Variants in PKHD1 observed in about 807,000 individuals in gnomAD.
The protein encoded by PKHD1 is fibrocystin.
A neutral mutation model predicts 412.0 loss-of-function variants in PKHD1; 291 were observed. The observed-to-expected ratio is 0.71, with a 90% CI of 0.64 to 0.78. The LOEUF is 0.78. PKHD1 is among the 30% of genes least tolerant of loss of function. The probability of loss-of-function intolerance (pLI) is 0.00; values close to 1 mark genes in which losing one functional copy is unlikely to be tolerated. For missense variants in PKHD1, 4,825 were observed against 4,950.7 expected, an observed-to-expected ratio of 0.97 and a Z score of 0.76; for synonymous variants, 1,777 against 1,821.5, an observed-to-expected ratio of 0.98 and a Z score of 0.62.
chr6:51,890,855 TG>T (rs1339985625), intron 43 of PKHD1, among the ~76,000 whole-genome samples: 1 of 152,152 alleles, frequency 6.6e-6, no homozygotes, highest in Non-Finnish European at 1.5e-5. Context: ...GGAGATCAAG[TG>T]TTATTAAGGC....
intron 52 of PKHD1, among the ~76,000 whole-genome samples, chr6:51,823,471 G>C (rs1245529936): frequency 2.6e-5 from 4 of 152,094 alleles, no homozygotes; most frequent in African/African-American, 9.7e-5. Flanking sequence ...TCCTCTATTA[G>C]AGTAAAACTC....
rs1224367130 is a variant in PKHD1, at chr6:52,073,511, A to T, written c.479T>A (p.Ile160Asn). The change falls in exon 7 of 67, where the codon ATC becomes AAC. Residue 160 changes from isoleucine (I) to asparagine (N), a missense_variant. By Grantham distance (149) the Ile-to-Asn change is moderately radical. Transcript: ENST00000371117. ...ATCAAAAGTTTCCAATCTTCCAGTG[A>T]TAATCCAGCCATATACATGTATTAG... ...GKLIHVYGWI[I>N]TGRLETFDFD... The T allele has an allele frequency of 1.2e-6, 2 of 1,606,846 alleles. No individual in the cohort carries two copies. Among genetic ancestry groups the T allele is most frequent in the African/African-American group, 2.7e-5 (2 of 74,788 alleles).
intron 36 of PKHD1, among the ~76,000 whole-genome samples, chr6:51,936,326 G>A (rs563095753): frequency 6.6e-6 from 1 of 152,200 alleles, no homozygotes; most frequent in African/African-American, 2.4e-5. Flanking sequence ...AGCAAAGGGG[G>A]GCAAAGGATA....
At chr6:51,891,124 C>T (rs1440090691) in intron 43 of PKHD1, among the ~76,000 whole-genome samples, 1 of 152,190 alleles carries the variant, frequency 6.6e-6, no homozygotes, top group African/African-American at 2.4e-5. Flanking sequence ...ACTCCATACC[C>T]TTTTACTTGT....
intron 37 of PKHD1, 75 bp from the exon 38 acceptor site, chr6:51,912,651 A>C: frequency 9.7e-7 from 1 of 1,032,826 alleles, no homozygotes; most frequent in Non-Finnish European, 1.5e-6. Flanking sequence ...ATCATTAATA[A>C]ATGTGATGTT....
chr6:52,064,807 C>T (rs764913868), intron 13 of PKHD1, 148 bp downstream of exon 13: 7 of 482,972 alleles, frequency 1.4e-5, no homozygotes, highest in Non-Finnish European at 2.6e-5. Context: ...GAAAGGAGAG[C>T]CTTGACAATG....
chr6:51,727,029 A>G (rs769533189), intron 60 of PKHD1, among the ~76,000 whole-genome samples: 3 of 152,194 alleles, frequency 2.0e-5, no homozygotes, highest in Non-Finnish European at 4.4e-5. Flanking sequence ...TGAGAGGCAC[A>G]CAATTAGCTA....
In PKHD1 at chr6:52,022,850, C is replaced by T; in HGVS notation, c.5331G>A (p.Leu1777=). 2 of 1,614,102 alleles carry T rather than the reference C, an allele frequency of 1.2e-6. No individual in the cohort carries two copies. Among genetic ancestry groups the T allele is most frequent in the Non-Finnish European group, 8.5e-7 (1 of 1,180,024 alleles). The change falls in exon 33 of 67, where the codon CTG becomes CTA. Residue 1777 remains leucine (L), a synonymous_variant. Transcript: ENST00000371117. ...AAVCGAPCRV[L]ANATVSAFSC... Reference sequence around the variant, plus strand: ...TGAAGGCAGACACTGTAGCATTAGCCAGGACTCGGCAGGGAGCACCACACA... The same window carrying T: ...TGAAGGCAGACACTGTAGCATTAGCTAGGACTCGGCAGGGAGCACCACACA...
intron 36 of PKHD1, among the ~76,000 whole-genome samples, chr6:51,945,118 C>G (rs9463743): frequency 0.037 from 5,573 of 152,198 alleles, 369 homozygotes; most frequent in African/African-American, 0.13. Flanking sequence ...GAAATATGAC[C>G]TGGGCTACAG....
Position 51,616,104 on chromosome 6 carries a change from C to T in PKHD1, c.*2977G>A, listed in dbSNP as rs566441687. On this transcript the variant is annotated 3_prime_UTR_variant, in exon 67 of 67. Transcript: ENST00000371117. ...TTGTATATATTTATCATGTACAACTCGATAGTTTGAAATATGTATACATTG... is the reference window on the plus strand; with the variant it reads ...TTGTATATATTTATCATGTACAACTTGATAGTTTGAAATATGTATACATTG... 2.0e-5 allele frequency: 3 copies of T among 152,056 alleles called. No homozygotes were observed. Among genetic ancestry groups the T allele is most frequent in the Non-Finnish European group, 4.4e-5 (3 of 68,022 alleles). The allele number at this position is 152,056 out of a possible 1,614,324, so 9.4% of individuals were successfully genotyped here.
chr6:51,887,254 A>G lies in PKHD1; in HGVS notation c.6997-9T>C. On this transcript the variant is annotated splice_polypyrimidine_tract_variant and intron_variant, in intron 43 of 66. Coordinates refer to ENST00000371117, the MANE Select transcript of PKHD1 (RefSeq NM_138694.4). ...CCACACACTCTGTTCCCCTACAGAA[A>G]TTAAGAAGAGTTAAAAAATAGTTAC... The G allele has an allele frequency of 6.4e-7, 1 of 1,561,202 alleles. No individual in the cohort carries two copies. Among genetic ancestry groups the G allele is most frequent in the Non-Finnish European group, 8.8e-7 (1 of 1,131,682 alleles).
At chr6:51,842,450 G>A (rs1262321142) in intron 50 of PKHD1, among the ~76,000 whole-genome samples, 1 of 152,192 alleles carries the variant, frequency 6.6e-6, no homozygotes, top group Non-Finnish European at 1.5e-5. Context: ...AAAGTAAGTT[G>A]ACCCCTGACA....
At chr6:51,827,972 T>A (rs1459875194) in intron 52 of PKHD1, among the ~76,000 whole-genome samples, 1 of 152,150 alleles carries the variant, frequency 6.6e-6, no homozygotes, top group Admixed American at 6.6e-5. Flanking sequence ...CTTTGGGAAG[T>A]ATCTCCAGTT....
chr6:51,757,863 T>C (rs1282824403), intron 55 of PKHD1, among the ~76,000 whole-genome samples: 1 of 151,546 alleles, frequency 6.6e-6, no homozygotes, highest in Non-Finnish European at 1.5e-5. Context: ...AAAAAAAATG[T>C]AGCCTAGCAT....
At chr6:51,790,477 A>G (rs1011885565) in intron 53 of PKHD1, among the ~76,000 whole-genome samples, 6 of 152,146 alleles carry the variant, frequency 3.9e-5, no homozygotes, top group African/African-American at 1.4e-4. Context: ...CCGAGCACCT[A>G]CTGATTCTCT....
intron 61 of PKHD1, among the ~76,000 whole-genome samples, chr6:51,652,562 G>GT (rs1219367710): frequency 0.035 from 147 of 4,254 alleles, 67 homozygotes; most frequent in African/African-American, 0.038. Context: ...TATCTCTCTT[G>GT]TTTTTTTTTT....
chr6:51,911,173 C>T (rs1782885377), intron 39 of PKHD1, among the ~76,000 whole-genome samples: 1 of 152,148 alleles, frequency 6.6e-6, no homozygotes, highest in South Asian at 2.1e-4. Flanking sequence ...CCAAAGTTGA[C>T]AAATGATGTC....
Position 51,915,460 on chromosome 6 carries a change from C to T in PKHD1, c.6122-2884G>A, listed in dbSNP as rs148896480. ...AAAAACCATACCTATGTTCATTCAC[C>T]GTCACAATATCAATGCCTTTCACAG... On this transcript the variant is annotated intron_variant, in intron 37 of 66. Coordinates refer to ENST00000371117, the MANE Select transcript of PKHD1 (RefSeq NM_138694.4). Among the ~76,000 whole-genome samples the T allele has an allele frequency of 1.3e-3, 193 of 152,176 alleles. 1 individual carries two copies. The highest frequency in any genetic ancestry group is 5.9e-3 in the Admixed American group (90 of 15,268).
Position 51,830,943 on chromosome 6 carries a change from T to G in PKHD1, c.8220A>C (p.Glu2740Asp), listed in dbSNP as rs1562410365. Residue 2740 changes from glutamate (E) to aspartate (D), a missense_variant, in exon 52 of 67, where the codon GAA becomes GAC. Transcript: ENST00000371117. The stretch of plus-strand genomic sequence containing the variant: ...AGCCTTCTTCAACACCTTGCCATGT[T>G]TCAGGGAGGGACCATTTTAAAGCTG... ...PESALKWSLP[E>D]TWQGVEEGWG... 5 of 1,612,368 alleles carry G rather than the reference T, an allele frequency of 3.1e-6. No individual in the cohort carries two copies. The highest frequency in any genetic ancestry group is 4.2e-6 in the Non-Finnish European group (5 of 1,178,768).
Sources: allele counts gnomAD v4.1 joint callset (sites outside exome capture counted in the v4.1 genomes callset), GRCh38; gene constraint gnomAD v4.1.1; transcripts MANE v1.5; gene names NCBI Gene and HGNC (gene_info 2026-07-23, HGNC 2026-07-21).